The following MARCHF1 variants were observed in gnomAD, a reference collection of about 807,000 sequenced individuals.
MARCHF1 encodes the protein membrane associated ring-CH-type finger 1.
In MARCHF1, 40 loss-of-function variants were observed where a neutral mutation model predicts 54.2. That is an observed-to-expected ratio of 0.74 (90% CI 0.57 to 0.96). The LOEUF is 0.96. Ranked by LOEUF, MARCHF1 falls within the 40% of genes least tolerant of loss-of-function variation. MARCHF1 has a pLI of 0.00. For missense variants in MARCHF1, 586 were observed against 656.5 expected, an observed-to-expected ratio of 0.89 and a Z score of 1.17; for synonymous variants, 236 against 236.3, an observed-to-expected ratio of 1.00 and a Z score of 0.01.
intron 1 of MARCHF1, among the ~76,000 whole-genome samples, chr4:164,171,963 G>A (rs113863622): frequency 8.5e-5 from 13 of 152,160 alleles, no homozygotes; most frequent in African/African-American, 1.7e-4. Flanking sequence ...ATAGTTGAGC[G>A]CTGTCCTTCT....
At chr4:163,561,776 A>G (rs1442533974) in intron 8 of MARCHF1, among the ~76,000 whole-genome samples, 1 of 152,012 alleles carries the variant, frequency 6.6e-6, no homozygotes, top group East Asian at 1.9e-4. Flanking sequence ...TCTGTTTCCT[A>G]TTATATGTTT....
At position 164,351,501 on chromosome 4, in the gene MARCHF1, C is replaced by G. The variant is rs572498392; in HGVS notation, c.-323+32369G>C. 2.0e-4 allele frequency among the ~76,000 whole-genome samples: 31 copies of G among 151,910 alleles called. No individual in the cohort carries two copies. In the East Asian group the frequency reaches 3.1e-3, roughly 15 times the overall value. ...TGGGAGGCACCCCCCAGCAGGGGCA[C>G]ACTGACACCTCACACGGCAGGGTAT... On this transcript the variant is annotated intron_variant, in intron 1 of 9. Coordinates refer to ENST00000514618, the MANE Select transcript of MARCHF1 (RefSeq NM_001394959.1).
intron 3 of MARCHF1, among the ~76,000 whole-genome samples, chr4:163,910,319 T>C (rs1751162786): frequency 6.6e-6 from 1 of 152,194 alleles, no homozygotes; most frequent in African/African-American, 2.4e-5. Flanking sequence ...AAACAATGTG[T>C]TGCAGTAAAA....
chr4:164,383,372 T>TG (rs1179859338), intron 1 of MARCHF1: 1 of 152,366 alleles, frequency 6.6e-6, no homozygotes, highest in Non-Finnish European at 1.5e-5. Flanking sequence ...GGCTGCCCTG[T>TG]GTCTTCCGTA....
intron 1 of MARCHF1, among the ~76,000 whole-genome samples, chr4:164,256,233 T>C (rs1733275878): frequency 6.6e-6 from 1 of 151,834 alleles, no homozygotes; most frequent in Non-Finnish European, 1.5e-5. Flanking sequence ...AAAATCTAAG[T>C]ATCTGAAAAT....
chr4:164,069,487 T>C (rs1440855907), intron 2 of MARCHF1, among the ~76,000 whole-genome samples: 2 of 152,150 alleles, frequency 1.3e-5, no homozygotes, highest in African/African-American at 4.8e-5. Context: ...CTGAAGCCAG[T>C]GAGACCACGA....
intron 8 of MARCHF1, among the ~76,000 whole-genome samples, chr4:163,555,170 G>T (rs1373908944): frequency 1.3e-5 from 2 of 152,198 alleles, no homozygotes; most frequent in African/African-American, 2.4e-5. Flanking sequence ...AGGCACATTT[G>T]CAGTGGAACT....
intron 1 of MARCHF1, among the ~76,000 whole-genome samples, chr4:164,304,629 T>C (rs544035685): frequency 6.6e-6 from 1 of 152,308 alleles, no homozygotes; most frequent in African/African-American, 2.4e-5. Context: ...TTGAAATAGA[T>C]TGTGGCAGGA....
intron 1 of MARCHF1, among the ~76,000 whole-genome samples, chr4:164,216,928 G>C (rs1442424450): frequency 6.6e-6 from 1 of 152,028 alleles, no homozygotes; most frequent in Non-Finnish European, 1.5e-5. Flanking sequence ...TGATTACAAT[G>C]ACCAAATTTA....
At chr4:164,257,486 A>T (rs1051007632) in intron 1 of MARCHF1, among the ~76,000 whole-genome samples, 1 of 93,860 alleles carries the variant, frequency 1.1e-5, no homozygotes, top group Non-Finnish European at 2.8e-5. Context: ...TTTCTAACAC[A>T]TTTGTTTTAT....
chr4:164,271,628 G>C (rs1458731979), intron 1 of MARCHF1, among the ~76,000 whole-genome samples: 2 of 152,108 alleles, frequency 1.3e-5, no homozygotes, highest in Admixed American at 6.6e-5. Flanking sequence ...AGCAGTAATA[G>C]AACAAGTGGT....
intron 1 of MARCHF1, among the ~76,000 whole-genome samples, chr4:164,146,535 TG>T (rs1411971700): frequency 6.6e-6 from 1 of 152,206 alleles, no homozygotes; most frequent in African/African-American, 2.4e-5. Context: ...TACAAGTATC[TG>T]ATCTTTGACA....
At chr4:163,889,096 C>T (rs1180525794) in intron 3 of MARCHF1, among the ~76,000 whole-genome samples, 2 of 152,032 alleles carry the variant, frequency 1.3e-5, no homozygotes, top group East Asian at 3.8e-4. Context: ...CAGGGAATGG[C>T]ATATAGAAAG....
At chr4:164,214,242 G>A (rs1731864759) in intron 1 of MARCHF1, among the ~76,000 whole-genome samples, 1 of 152,132 alleles carries the variant, frequency 6.6e-6, no homozygotes, top group Admixed American at 6.5e-5. Flanking sequence ...TGGTCACTCA[G>A]ATTTCTGACC....
At chr4:164,170,408 G>T (rs1360041319) in intron 1 of MARCHF1, among the ~76,000 whole-genome samples, 6 of 151,676 alleles carry the variant, frequency 4.0e-5, no homozygotes, top group Admixed American at 3.9e-4. Flanking sequence ...GACTTATAAG[G>T]GACATTATTA....
chr4:163,907,248 TAACAA>T (rs1184317225), intron 3 of MARCHF1, among the ~76,000 whole-genome samples: 1 of 152,140 alleles, frequency 6.6e-6, no homozygotes, highest in East Asian at 1.9e-4. Flanking sequence ...ATAGCTTTCT[TAACAA>T]AACAGACTGC....
chr4:163,928,215 T>C (rs1449158706), intron 3 of MARCHF1, among the ~76,000 whole-genome samples: 1 of 151,928 alleles, frequency 6.6e-6, no homozygotes, highest in Non-Finnish European at 1.5e-5. Context: ...TTTCTATTCA[T>C]AAATATTTAC....
chr4:163,905,000 C>A (rs75756844), intron 3 of MARCHF1, among the ~76,000 whole-genome samples: 1 of 151,912 alleles, frequency 6.6e-6, no homozygotes, highest in Non-Finnish European at 1.5e-5. Flanking sequence ...GCATTACAAC[C>A]TTTTAAAATA....
intron 4 of MARCHF1, among the ~76,000 whole-genome samples, chr4:163,730,414 G>T (rs1308213179): frequency 6.6e-6 from 1 of 151,880 alleles, no homozygotes; most frequent in Non-Finnish European, 1.5e-5. Flanking sequence ...CTTATGGTTT[G>T]TTTTTTCTTT....
Sources: gnomAD v4.1 joint callset for allele counts (sites outside exome capture counted in the v4.1 genomes callset) on GRCh38, gnomAD v4.1.1 for gene constraint, MANE v1.5 for transcripts, NCBI Gene and HGNC (gene_info 2026-07-23, HGNC 2026-07-21) for gene names.